The following CLIP4 variants were observed in gnomAD, a reference collection of about 807,000 sequenced individuals.
CLIP4 encodes CAP-Gly domain-containing linker protein 4.
Under a neutral mutation model 73.1 loss-of-function variants are expected in CLIP4, and 47 were observed. That is an observed-to-expected ratio of 0.64 (90% confidence interval 0.51 to 0.82). The LOEUF is 0.82. CLIP4 is among the 40% of genes least tolerant of loss of function. The probability of loss-of-function intolerance (pLI) is 0.00; values close to 1 mark genes in which losing one functional copy is unlikely to be tolerated. For missense variants in CLIP4, 874 were observed against 852.9 expected (o/e 1.02, Z -0.31); for synonymous variants, 306 against 295.4 (o/e 1.04, Z -0.37).
intron 10 of CLIP4, among the ~76,000 whole-genome samples, chr2:29,156,664 A>C (rs1426606700): frequency 6.6e-6 from 1 of 152,212 alleles, no homozygotes; most frequent in Non-Finnish European, 1.5e-5. Context: ...TACTTAAATT[A>C]GATAACTACT....
chr2:29,131,363 A>G lies in CLIP4; in HGVS notation c.239A>G (p.Gln80Arg). Reference sequence around the variant, plus strand: ...GCCATTTTGAGACAGTGGGTTCCTCAGGTCCAACAAAACATTGACATTATT... The same window carrying G: ...GCCATTTTGAGACAGTGGGTTCCTCGGGTCCAACAAAACATTGACATTATT... ...LFAILRQWVP[Q>R]VQQNIDIIGN... is the part of the protein sequence containing the mutation. The change falls in exon 3 of 16, where the codon CAG becomes CGG. Residue 80 changes from glutamine (Q) to arginine (R), a missense_variant. Coordinates refer to ENST00000320081, the MANE Select transcript of CLIP4 (RefSeq NM_024692.6). The G allele has an allele frequency of 6.2e-7, 1 of 1,604,674 alleles. No individual in the cohort carries two copies. Among genetic ancestry groups the G allele is most frequent in the East Asian group, 2.2e-5 (1 of 44,534 alleles).
intron 9 of CLIP4, 110 bp downstream of exon 9, chr2:29,152,938 G>A (rs930050314): frequency 4.9e-5 from 59 of 1,208,510 alleles, no homozygotes; most frequent in Non-Finnish European, 5.6e-5. Context: ...TCTGAAACCT[G>A]AATTTAATAA....
chr2:29,167,248 A>G (rs946938808), intron 13 of CLIP4, among the ~76,000 whole-genome samples: 2 of 152,198 alleles, frequency 1.3e-5, no homozygotes, highest in Non-Finnish European at 2.9e-5. Flanking sequence ...AGGTGAATTC[A>G]CTTGAATTTT....
chr2:29,166,661 CCT>C (rs1667642307), intron 13 of CLIP4, among the ~76,000 whole-genome samples: 1 of 152,010 alleles, frequency 6.6e-6, no homozygotes, highest in Non-Finnish European at 1.5e-5. Context: ...GAATTCACTC[CCT>C]CTCAACTGTC....
At chr2:29,141,835 A>C (rs1407269921) in intron 6 of CLIP4, among the ~76,000 whole-genome samples, 1 of 151,926 alleles carries the variant, frequency 6.6e-6, no homozygotes, top group Non-Finnish European at 1.5e-5. Context: ...TTGATATGTG[A>C]AGTTGAGCTC....
At chr2:29,163,134 C>A (rs1384355139) in intron 12 of CLIP4, among the ~76,000 whole-genome samples, 2 of 151,970 alleles carry the variant, frequency 1.3e-5, no homozygotes, top group African/African-American at 4.8e-5. Context: ...TTAAAGCAAC[C>A]TTGCTACTTT....
intron 1 of CLIP4, among the ~76,000 whole-genome samples, chr2:29,104,201 G>T (rs1668136307): frequency 6.6e-6 from 1 of 152,218 alleles, no homozygotes. Flanking sequence ...CTCATACTAA[G>T]AATTACTTAG....
chr2:29,167,348 TA>T, intron 13 of CLIP4, 127 bp from the exon 14 acceptor site: 1 of 503,530 alleles, frequency 2.0e-6, no homozygotes, highest in Admixed American at 3.8e-5. Context: ...ATTCCTGGCT[TA>T]AAATGGACCC....
chr2:29,107,761 A>G (rs917671333), intron 1 of CLIP4, among the ~76,000 whole-genome samples: 10 of 151,892 alleles, frequency 6.6e-5, no homozygotes, highest in Admixed American at 2.6e-4. Flanking sequence ...GTCACAGCTC[A>G]CTGCATCCTC....
At chr2:29,177,407 CAAA>C (rs58183066) in intron 15 of CLIP4, among the ~76,000 whole-genome samples, 223 of 136,566 alleles carry the variant, frequency 1.6e-3, no homozygotes, top group African/African-American at 5.7e-3. Flanking sequence ...GACTCCGTCT[CAAA>C]AAAAAAAAAA....
At chr2:29,141,451 A>G (rs1665760492) in intron 6 of CLIP4, among the ~76,000 whole-genome samples, 1 of 152,196 alleles carries the variant, frequency 6.6e-6, no homozygotes, top group African/African-American at 2.4e-5. Flanking sequence ...TTGTGTGACT[A>G]TCTACATCTT....
intron 12 of CLIP4, among the ~76,000 whole-genome samples, chr2:29,162,579 TAAATTA>T (rs986173918): frequency 2.1e-4 from 32 of 152,176 alleles, no homozygotes; most frequent in Admixed American, 6.5e-4. Flanking sequence ...AATTATATGG[TAAATTA>T]AAATGGGAAA....
intron 1 of CLIP4, among the ~76,000 whole-genome samples, chr2:29,119,655 C>T (rs1398914410): frequency 6.6e-6 from 1 of 152,186 alleles, no homozygotes; most frequent in Non-Finnish European, 1.5e-5. Context: ...ATTTGCTCCT[C>T]AGTACAGCCC....
chr2:29,171,678 C>G (rs934384789), intron 14 of CLIP4, among the ~76,000 whole-genome samples: 2 of 152,048 alleles, frequency 1.3e-5, no homozygotes, highest in Non-Finnish European at 2.9e-5. Context: ...ACCACCACGC[C>G]CGGCTAATAT....
chr2:29,107,358 G>GC (rs1668239538), intron 1 of CLIP4, among the ~76,000 whole-genome samples: 1 of 65,352 alleles, frequency 1.5e-5, no homozygotes, highest in African/African-American at 5.2e-5. Context: ...GAACATGATA[G>GC]TTTTTTTTTT....
At chr2:29,116,042 C>T (rs992620387) in intron 1 of CLIP4, among the ~76,000 whole-genome samples, 11 of 152,220 alleles carry the variant, frequency 7.2e-5, no homozygotes, top group African/African-American at 2.7e-4. Context: ...CTTTCCAACG[C>T]GGCCTCTTCC....
At chr2:29,151,430 T>C (rs1013857838) in intron 8 of CLIP4, among the ~76,000 whole-genome samples, 7 of 151,920 alleles carry the variant, frequency 4.6e-5, no homozygotes, top group African/African-American at 1.7e-4. Flanking sequence ...AGAGAGAGTG[T>C]GTGTGTGTGT....
At chr2:29,127,382 A>G (rs1281417046) in intron 2 of CLIP4, among the ~76,000 whole-genome samples, 2 of 152,118 alleles carry the variant, frequency 1.3e-5, no homozygotes, top group East Asian at 3.9e-4. Flanking sequence ...AGAATACTCA[A>G]TAAGTTTCTG....
chr2:29,133,055 G>A (rs912432848), intron 4 of CLIP4, among the ~76,000 whole-genome samples: 1 of 152,088 alleles, frequency 6.6e-6, no homozygotes, highest in Non-Finnish European at 1.5e-5. Flanking sequence ...AACCATGGTG[G>A]TGCATGCCTA....
Sources: gnomAD v4.1 joint callset for allele counts (sites outside exome capture counted in the v4.1 genomes callset) on GRCh38, gnomAD v4.1.1 for gene constraint, MANE v1.5 for transcripts, NCBI Gene and HGNC (gene_info 2026-07-23, HGNC 2026-07-21) for gene names.